MAP3K2: variants seen among roughly 807,000 people sequenced by gnomAD.
MAP3K2 encodes the protein mitogen-activated protein kinase kinase kinase 2, also known as MAP/ERK kinase kinase 2.
MAP3K2 carries 24 observed loss-of-function variants against 80.3 expected under a neutral mutation model. The observed-to-expected ratio is 0.30, with a 90% CI of 0.22 to 0.42. MAP3K2 has a LOEUF of 0.42. Among genes scored for constraint, MAP3K2 ranks in the 10% least tolerant of loss-of-function variants. The pLI is 1.00. For missense variants in MAP3K2, 608 were observed against 750.1 expected, an observed-to-expected ratio of 0.81 and a Z score of 2.21; for synonymous variants, 244 against 253.7, an observed-to-expected ratio of 0.96 and a Z score of 0.36.
intron 1 of MAP3K2, among the ~76,000 whole-genome samples, chr2:127,378,981 GTTTTTTTTTT>G (rs58961718): frequency 1.1e-5 from 1 of 88,050 alleles, no homozygotes; most frequent in Non-Finnish European, 2.1e-5. Flanking sequence ...GTTTTTTGTT[GTTTTTTTTTT>G]TTTTTTTTTT....
intron 3 of MAP3K2, 111 bp downstream of exon 3, chr2:127,338,821 C>G: frequency 1.4e-6 from 1 of 723,480 alleles, no homozygotes; most frequent in Non-Finnish European, 2.3e-6. Flanking sequence ...CAAACACTAA[C>G]AAAATTCTTG....
chr2:127,319,587 CT>C (rs1458970814), intron 12 of MAP3K2, among the ~76,000 whole-genome samples: 1 of 140,186 alleles, frequency 7.1e-6, no homozygotes, highest in African/African-American at 2.7e-5. Context: ...GACAGATCAC[CT>C]GAGGTCAGGA....
chr2:127,378,911 G>A (rs1687195380), intron 1 of MAP3K2, among the ~76,000 whole-genome samples: 1 of 151,252 alleles, frequency 6.6e-6, no homozygotes. Context: ...TCCCACCTCA[G>A]CCTTTTGAGT....
chr2:127,356,537 T>A (rs1179338033), intron 1 of MAP3K2, among the ~76,000 whole-genome samples: 4 of 152,228 alleles, frequency 2.6e-5, no homozygotes, highest in Non-Finnish European at 4.4e-5. Context: ...TTTTTATTTT[T>A]AAAGACAGTG....
chr2:127,327,307 C>A (rs893470209), intron 7 of MAP3K2, among the ~76,000 whole-genome samples: 1 of 152,110 alleles, frequency 6.6e-6, no homozygotes, highest in African/African-American at 2.4e-5. Context: ...GTAAAGGAGT[C>A]ATTGTGAGTA....
intron 1 of MAP3K2, among the ~76,000 whole-genome samples, chr2:127,357,415 G>C (rs1387026748): frequency 1.3e-5 from 2 of 152,150 alleles, no homozygotes; most frequent in East Asian, 3.8e-4. Flanking sequence ...CTGAGCCCAG[G>C]AGTTCGAGGC....
At chr2:127,345,628 T>C (rs868237904) in intron 1 of MAP3K2, among the ~76,000 whole-genome samples, 1 of 152,098 alleles carries the variant, frequency 6.6e-6, no homozygotes, top group Admixed American at 6.5e-5. Flanking sequence ...TATTAGGTAA[T>C]AAAACAAATC....
chr2:127,353,678 C>T (rs1488596927), intron 1 of MAP3K2, among the ~76,000 whole-genome samples: 3 of 151,822 alleles, frequency 2.0e-5, no homozygotes, highest in Admixed American at 6.5e-5. Context: ...GGCGCCTCTG[C>T]CCGGCCGCCC....
At chr2:127,377,492 A>G (rs138204004) in intron 1 of MAP3K2, among the ~76,000 whole-genome samples, 38 of 152,356 alleles carry the variant, frequency 2.5e-4, no homozygotes, top group Non-Finnish European at 5.3e-4. Context: ...CATTATAGAG[A>G]ATGATGAATA....
rs1351182156 is a variant in MAP3K2 at position 127,298,825 on chromosome 2, T to C, written c.*8754A>G. 6.6e-6 allele frequency: 1 copy of C among 152,196 alleles called. No individual in the cohort carries two copies. The highest frequency in any genetic ancestry group is 2.4e-5 in the African/African-American group (1 of 41,432). 9.4% of individuals were successfully genotyped at this position (152,196 alleles called of 1,614,324 possible). The stretch of plus-strand genomic sequence containing the variant: ...AAAAAGCAGTTTTCATTGTGCTAAT[T>C]ATTGCAGGCCTTCATGCACGTAAAC... On this transcript the variant is annotated 3_prime_UTR_variant, in exon 17 of 17. Coordinates refer to ENST00000682094, the MANE Select transcript of MAP3K2 (RefSeq NM_001371910.2).
At position 127,310,451 on chromosome 2, in the gene MAP3K2, C is replaced by T. The variant is rs10439213; in HGVS notation, c.1457-1689G>A. The stretch of plus-strand genomic sequence containing the variant: ...ATCGCTTGAGCTCAGGAATTCAAGG[C>T]CAGCCTAGGCAACGTGGTGAGACAC... On this transcript the variant is annotated intron_variant, in intron 15 of 16. Transcript: ENST00000682094. The surrounding 1 kb of genome is among the most constrained non-coding windows in gnomAD (Gnocchi z 4.8). Among the ~76,000 whole-genome samples the T allele has an allele frequency of 0.087, 13,294 of 152,106 alleles. 771 individuals carry two copies. The highest frequency in any genetic ancestry group is 0.17 in the African/African-American group (7,001 of 41,450).
At chr2:127,366,725 T>C (rs1686977913) in intron 1 of MAP3K2, among the ~76,000 whole-genome samples, 1 of 152,138 alleles carries the variant, frequency 6.6e-6, no homozygotes, top group Non-Finnish European at 1.5e-5. Context: ...CCTACCTTTT[T>C]GGCTAACATA....
intron 15 of MAP3K2, 72 bp downstream of exon 15, chr2:127,314,682 A>C (rs1057295450): frequency 1.2e-5 from 14 of 1,194,904 alleles, no homozygotes; most frequent in Non-Finnish European, 1.3e-5. Flanking sequence ...TAAATGTCTT[A>C]CCCACATCAC....
intron 14 of MAP3K2, among the ~76,000 whole-genome samples, chr2:127,316,088 T>C (rs905062775): frequency 4.6e-5 from 7 of 151,014 alleles, no homozygotes; most frequent in African/African-American, 1.5e-4. Context: ...AAATAAAAAT[T>C]GTAGCCAGGA....
rs112161787 is a variant in MAP3K2 at position 127,364,783 on chromosome 2, C to T, written c.-65-21589G>A. 1.9e-3 allele frequency among the ~76,000 whole-genome samples: 295 copies of T among 152,098 alleles called. 2 individuals are homozygous for T. Among genetic ancestry groups the T allele is most frequent in the Non-Finnish European group, 2.0e-3 (138 of 67,998 alleles). ...CTTTCCCCTCATCTTTAAAAATATA[C>T]CCCTCCTATTTCTCAATCTCTTCTC... On this transcript the variant is annotated intron_variant, in intron 1 of 16. Transcript: ENST00000682094. The surrounding 1 kb of genome is among the most constrained non-coding windows in gnomAD (Gnocchi z 4.1).
chr2:127,372,615 C>T (rs1687084267), intron 1 of MAP3K2, among the ~76,000 whole-genome samples: 1 of 152,140 alleles, frequency 6.6e-6, no homozygotes, highest in East Asian at 1.9e-4. Context: ...CAACTCATGC[C>T]CTTCCCTGTT....
chr2:127,387,473 G>C lies in MAP3K2; in HGVS notation c.-87C>G. 1.0e-6 allele frequency: 1 copy of C among 985,114 alleles called. No homozygotes were observed. 61.0% of individuals were successfully genotyped at this position (985,114 alleles called of 1,614,324 possible). On this transcript the variant is annotated 5_prime_UTR_variant, in exon 1 of 17. Transcript: ENST00000682094. ...GTACCGGCTGCTCCGCAGGGACGTA[G>C]AGAGCCGCAGGCCCAAGGAGGGGCC...
chr2:127,385,474 A>G (rs1687327402), intron 1 of MAP3K2, among the ~76,000 whole-genome samples: 1 of 152,236 alleles, frequency 6.6e-6, no homozygotes, highest in African/African-American at 2.4e-5. Flanking sequence ...AACTATATGC[A>G]CCGTGAAACT....
chr2:127,354,615 G>T (rs539910234), intron 1 of MAP3K2, among the ~76,000 whole-genome samples: 1 of 152,028 alleles, frequency 6.6e-6, no homozygotes, highest in Admixed American at 6.6e-5. Context: ...AGAGCAAGAC[G>T]CAAAGGATCT....
Sources: allele counts gnomAD v4.1 joint callset (sites outside exome capture counted in the v4.1 genomes callset), GRCh38; gene constraint gnomAD v4.1.1; non-coding constraint Gnocchi (gnomAD v3.1); transcripts MANE v1.5; gene names NCBI Gene and HGNC (gene_info 2026-07-23, HGNC 2026-07-21).